Variants in CNTN5 observed in about 807,000 individuals in gnomAD.
CNTN5 encodes the protein contactin 5, also known as contactin-5.
CNTN5 carries 77 observed loss-of-function variants against 129.1 expected under a neutral mutation model. The ratio of observed to expected loss-of-function variants is 0.60; its 90% CI spans 0.50 to 0.72. CNTN5 has a LOEUF of 0.72. Among genes scored for constraint, CNTN5 ranks in the 30% least tolerant of loss-of-function variants. The pLI is 0.00. For synonymous variants in CNTN5, 509 were observed against 465.6 expected, an observed-to-expected ratio of 1.09 and a Z score of -1.20; for missense variants, 1,478 against 1,328.8, an observed-to-expected ratio of 1.11 and a Z score of -1.75.
At chr11:99,479,895 T>G (rs1451615987) in intron 2 of CNTN5, among the ~76,000 whole-genome samples, 1 of 152,082 alleles carries the variant, frequency 6.6e-6, no homozygotes, top group Non-Finnish European at 1.5e-5. Context: ...TTTGTCCAGT[T>G]TAGTTTATTT....
chr11:100,052,643 T>A (rs556487073), intron 9 of CNTN5, among the ~76,000 whole-genome samples: 1 of 151,960 alleles, frequency 6.6e-6, no homozygotes, highest in African/African-American at 2.4e-5. Context: ...ACAGTTGATA[T>A]ATGTATTAAA....
intron 3 of CNTN5, among the ~76,000 whole-genome samples, chr11:99,724,927 G>T (rs988320836): frequency 3.3e-5 from 5 of 152,136 alleles, no homozygotes; most frequent in African/African-American, 1.2e-4. Context: ...TATCAAAACA[G>T]AATTTACATT....
intron 8 of CNTN5, among the ~76,000 whole-genome samples, chr11:99,994,866 A>G (rs1939343613): frequency 6.6e-6 from 1 of 152,186 alleles, no homozygotes; most frequent in Non-Finnish European, 1.5e-5. Context: ...ACATCCTGCT[A>G]TTCAAGTAGC....
chr11:99,417,602 T>C (rs1040142568), intron 2 of CNTN5, among the ~76,000 whole-genome samples: 1 of 152,038 alleles, frequency 6.6e-6, no homozygotes, highest in Non-Finnish European at 1.5e-5. Context: ...TACTATTTTA[T>C]GTTAAATTGT....
In CNTN5 at chr11:99,608,882, C is replaced by T. The variant is rs576518448; in HGVS notation, c.55+52613C>T. Among the ~76,000 whole-genome samples, 25 of 152,224 alleles carry T rather than the reference C, an allele frequency of 1.6e-4. No homozygotes were observed. The South Asian group carries it at 1.7e-3, about 10-fold the overall frequency. ...ATAGTTATGAATGTTCATTAAGTGG[C>T]GATCATAGAACTGTAGGAGTATTAA... is the stretch of plus-strand genomic sequence containing the variant. On this transcript the variant is annotated intron_variant, in intron 3 of 24. Transcript: ENST00000524871.
intron 3 of CNTN5, among the ~76,000 whole-genome samples, chr11:99,629,700 A>C (rs1951268759): frequency 6.6e-6 from 1 of 151,878 alleles, no homozygotes; most frequent in Admixed American, 6.6e-5. Flanking sequence ...TTATGTAAAT[A>C]TTCTGATGAC....
intron 3 of CNTN5, among the ~76,000 whole-genome samples, chr11:99,671,934 G>A (rs998914746): frequency 2.0e-5 from 3 of 152,178 alleles, no homozygotes; most frequent in African/African-American, 7.2e-5. Context: ...CTGGTTTGCT[G>A]AGGACTTTCA....
At chr11:100,124,926 A>C (rs1027953805) in intron 13 of CNTN5, among the ~76,000 whole-genome samples, 8 of 152,102 alleles carry the variant, frequency 5.3e-5, no homozygotes, top group Admixed American at 3.9e-4. Context: ...TAGTATGCAT[A>C]AAATTAATCT....
chr11:100,074,913 G>C (rs117499646), intron 13 of CNTN5, among the ~76,000 whole-genome samples: 1 of 152,064 alleles, frequency 6.6e-6, no homozygotes, highest in African/African-American at 2.4e-5. Flanking sequence ...ATCATCACAT[G>C]GCAATCTATT....
intron 8 of CNTN5, among the ~76,000 whole-genome samples, chr11:99,968,898 G>T (rs759662997): frequency 1.3e-5 from 2 of 151,574 alleles, no homozygotes; most frequent in Non-Finnish European, 2.9e-5. Context: ...AACTCTGCAG[G>T]AATATAGAAA....
intron 20 of CNTN5, 58 bp downstream of exon 20, chr11:100,299,454 T>TCAGA: frequency 9.0e-7 from 1 of 1,108,630 alleles, no homozygotes; most frequent in South Asian, 1.5e-5. Flanking sequence ...ATACAAATAA[T>TCAGA]CAGACACCTT....
chr11:99,876,643 A>G (rs1948639966), intron 6 of CNTN5, among the ~76,000 whole-genome samples: 1 of 152,220 alleles, frequency 6.6e-6, no homozygotes, highest in Non-Finnish European at 1.5e-5. Flanking sequence ...AGACTGCCAC[A>G]GAAGCATGAA....
At chr11:100,035,463 T>C (rs1206012116) in intron 9 of CNTN5, among the ~76,000 whole-genome samples, 5 of 147,100 alleles carry the variant, frequency 3.4e-5, no homozygotes, top group Non-Finnish European at 7.4e-5. Context: ...CAGCATGATT[T>C]ATAGTCCTTT....
At chr11:100,013,482 T>G (rs2137532655) in intron 9 of CNTN5, among the ~76,000 whole-genome samples, 1 of 152,290 alleles carries the variant, frequency 6.6e-6, no homozygotes, top group East Asian at 1.9e-4. Flanking sequence ...AACCAAAAAG[T>G]TGTCAACAAT....
chr11:99,962,190 A>T (rs1040001801), intron 8 of CNTN5, among the ~76,000 whole-genome samples: 1 of 152,138 alleles, frequency 6.6e-6, no homozygotes, highest in Non-Finnish European at 1.5e-5. Context: ...TAAGTTTTAG[A>T]GTACACGTGC....
chr11:100,042,712 T>C (rs985658196), intron 9 of CNTN5, among the ~76,000 whole-genome samples: 2 of 152,236 alleles, frequency 1.3e-5, no homozygotes, highest in Non-Finnish European at 2.9e-5. Flanking sequence ...TTGGAGGCAC[T>C]TTTTATCCTG....
intron 3 of CNTN5, among the ~76,000 whole-genome samples, chr11:99,733,728 C>T (rs1016995508): frequency 2.6e-5 from 4 of 152,146 alleles, no homozygotes; most frequent in African/African-American, 4.8e-5. Flanking sequence ...GGACAGAGGT[C>T]ATAATAACAC....
At chr11:99,836,945 G>T (rs991514219) in intron 4 of CNTN5, among the ~76,000 whole-genome samples, 1 of 152,142 alleles carries the variant, frequency 6.6e-6, no homozygotes, top group Non-Finnish European at 1.5e-5. Context: ...TGGTGCTGGT[G>T]GGAGTGTAGC....
At chr11:99,766,374 G>A (rs1405957090) in intron 3 of CNTN5, among the ~76,000 whole-genome samples, 1 of 151,936 alleles carries the variant, frequency 6.6e-6, no homozygotes, top group Non-Finnish European at 1.5e-5. Context: ...AAGATAGAAA[G>A]TTTTATGTGC....
Sources: allele counts gnomAD v4.1 joint callset (sites outside exome capture counted in the v4.1 genomes callset), GRCh38; gene constraint gnomAD v4.1.1; transcripts MANE v1.5; gene names NCBI Gene and HGNC (gene_info 2026-07-23, HGNC 2026-07-21).